CATSPERE: variants seen among roughly 807,000 people sequenced by gnomAD.
The protein encoded by CATSPERE is cation channel sperm-associated auxiliary subunit epsilon.
CATSPERE carries 93 observed loss-of-function variants against 114.1 expected under a neutral mutation model. That is an observed-to-expected ratio of 0.81 (90% CI 0.69 to 0.97). The LOEUF is 0.97. CATSPERE is among the 50% of genes least tolerant of loss of function. The pLI, the probability that CATSPERE is intolerant of heterozygous loss-of-function variation, is 0.00. For missense variants in CATSPERE, 1,058 were observed against 1,131.6 expected, an observed-to-expected ratio of 0.93 and a Z score of 0.93; for synonymous variants, 341 against 384.1, an observed-to-expected ratio of 0.89 and a Z score of 1.31.
chr1:244,639,744 T>C (rs1675125137), intron 21 of CATSPERE, among the ~76,000 whole-genome samples, 184 bp from the exon 22 acceptor site: 1 of 151,850 alleles, frequency 6.6e-6, no homozygotes, highest in Admixed American at 6.6e-5. Flanking sequence ...ACCTTGTCTA[T>C]TTTCCTCCCT....
chr1:244,637,637 A>G (rs1291363365), intron 21 of CATSPERE, among the ~76,000 whole-genome samples: 3 of 151,994 alleles, frequency 2.0e-5, no homozygotes, highest in Admixed American at 1.3e-4. Flanking sequence ...CTTACATTTC[A>G]AAGTCTATTA....
At chr1:244,563,387 T>C (rs1022424303) in intron 10 of CATSPERE, among the ~76,000 whole-genome samples, 2 of 152,218 alleles carry the variant, frequency 1.3e-5, no homozygotes, top group African/African-American at 4.8e-5. Context: ...ACCAACAGTG[T>C]AAAAGCATTC....
intron 7 of CATSPERE, among the ~76,000 whole-genome samples, chr1:244,517,287 T>C (rs1255584421): frequency 1.3e-5 from 2 of 152,130 alleles, no homozygotes; most frequent in East Asian, 3.9e-4. Context: ...TCTTCTTATA[T>C]GTATTATTTA....
intron 2 of CATSPERE, among the ~76,000 whole-genome samples, chr1:244,469,744 C>A (rs1472022266): frequency 6.6e-6 from 1 of 152,050 alleles, no homozygotes; most frequent in Non-Finnish European, 1.5e-5. Flanking sequence ...ACAAAACAGT[C>A]TTGAAACAGA....
chr1:244,632,819 C>T (rs1342858542), intron 20 of CATSPERE, among the ~76,000 whole-genome samples: 1 of 152,026 alleles, frequency 6.6e-6, no homozygotes. Context: ...TACAAATGGT[C>T]TAAATATCCC....
intron 8 of CATSPERE, among the ~76,000 whole-genome samples, chr1:244,534,160 T>C (rs1680023770): frequency 6.6e-6 from 1 of 152,176 alleles, no homozygotes; most frequent in Non-Finnish European, 1.5e-5. Context: ...ATGTTAGTTG[T>C]TTCTTTTCTC....
intron 9 of CATSPERE, among the ~76,000 whole-genome samples, chr1:244,553,878 T>A (rs77489148): frequency 0.12 from 18,736 of 152,082 alleles, 1,947 homozygotes; most frequent in African/African-American, 0.28. Flanking sequence ...TTCTGTTTTC[T>A]TGAGATCATG....
At chr1:244,466,492 A>G (rs1667624369) in intron 2 of CATSPERE, among the ~76,000 whole-genome samples, 7 of 152,186 alleles carry the variant, frequency 4.6e-5, no homozygotes, top group Admixed American at 4.6e-4. Flanking sequence ...ACACTTGGGT[A>G]GCATGCTGCC....
intron 8 of CATSPERE, among the ~76,000 whole-genome samples, chr1:244,541,756 C>T (rs1412863020): frequency 6.9e-6 from 1 of 145,836 alleles, no homozygotes; most frequent in Non-Finnish European, 1.5e-5. Context: ...TGGAACCAAC[C>T]CAAATGTCCA....
upstream of CATSPERE, chr1:244,451,710 C>A: frequency 6.2e-7 from 1 of 1,611,740 alleles, no homozygotes; most frequent in South Asian, 1.1e-5. The surrounding 1 kb of genome is among the most constrained non-coding windows in gnomAD (Gnocchi z 6.6). Context: ...CGCCCCACTG[C>A]GCACCGAGCA....
At chr1:244,624,779 G>A (rs1391947509) in intron 20 of CATSPERE, among the ~76,000 whole-genome samples, 9 of 151,876 alleles carry the variant, frequency 5.9e-5, no homozygotes, top group Non-Finnish European at 2.9e-5. Context: ...TCCAGCCTGG[G>A]CGACAGAGCG....
At chr1:244,602,162 CTT>C (rs1016559901) in intron 17 of CATSPERE, among the ~76,000 whole-genome samples, 1 of 152,248 alleles carries the variant, frequency 6.6e-6, no homozygotes, top group East Asian at 1.9e-4. Flanking sequence ...CTAGAAATAA[CTT>C]ATTTGTCTGC....
chr1:244,475,348 C>G (rs1669148151), intron 2 of CATSPERE, among the ~76,000 whole-genome samples: 1 of 151,778 alleles, frequency 6.6e-6, no homozygotes, highest in African/African-American at 2.4e-5. Flanking sequence ...ATTCTCCTGC[C>G]TCAGCCTCCT....
chr1:244,562,977 A>G (rs12090471), intron 10 of CATSPERE, among the ~76,000 whole-genome samples: 9,351 of 152,248 alleles, frequency 0.061, 971 homozygotes, highest in African/African-American at 0.21. Context: ...GAGTGAGAAC[A>G]TACGGTATTT....
At position 244,528,785 on chromosome 1, in the gene CATSPERE, C is replaced by CCACACACA. The variant is rs56746061; in HGVS notation, c.536+10121_536+10128dup. ...TACTCTCCCCCACAACAATCCCCCA[C>CCACACACA]CACACACACACACACACACACACAC... On this transcript the variant is annotated intron_variant, in intron 8 of 21. Transcript: ENST00000366534. 9.5e-3 allele frequency among the ~76,000 whole-genome samples: 1,244 copies of CCACACACA among 130,504 alleles called. 11 individuals carry two copies. Among genetic ancestry groups the CCACACACA allele is most frequent in the African/African-American group, 0.017 (582 of 33,864 alleles). 85.6% of individuals were successfully genotyped at this position (130,504 alleles called of 152,430 possible). A position where few individuals can be genotyped will look rare whatever the true frequency, so the allele number is the denominator to read the frequency against.
chr1:244,470,487 G>A (rs1215407274), intron 2 of CATSPERE, among the ~76,000 whole-genome samples: 1 of 152,200 alleles, frequency 6.6e-6, no homozygotes, highest in Non-Finnish European at 1.5e-5. Context: ...CCGCTCAGAT[G>A]TCTATAATCA....
At position 244,508,502 on chromosome 1, in the gene CATSPERE, C is replaced by G. The variant is rs139863146; in HGVS notation, c.429+9423C>G. Among the ~76,000 whole-genome samples the G allele has an allele frequency of 2.4e-3, 368 of 151,628 alleles. 8 individuals carry two copies. In the East Asian group the frequency reaches 0.05, roughly 20 times the overall value. Reference sequence around the variant, plus strand: ...ATTTTTAGTAGAGATGGGGTTTCACCGTGTTAGCCAGGATGGTCTCAATAC... The same window carrying G: ...ATTTTTAGTAGAGATGGGGTTTCACGGTGTTAGCCAGGATGGTCTCAATAC... On this transcript the variant is annotated intron_variant, in intron 7 of 21. Transcript: ENST00000366534.
chr1:244,498,911 A>C, intron 6 of CATSPERE, 91 bp from the exon 7 acceptor site: 1 of 980,948 alleles, frequency 1.0e-6, no homozygotes, highest in South Asian at 1.5e-5. Flanking sequence ...AAAATAAAAA[A>C]ATAAAAACAT....
At chr1:244,557,353 C>A (rs905242492) in intron 9 of CATSPERE, among the ~76,000 whole-genome samples, 3 of 150,568 alleles carry the variant, frequency 2.0e-5, no homozygotes, top group Non-Finnish European at 4.4e-5. Context: ...AGTAATTATT[C>A]CAATTTAAGA....
Sources: allele counts gnomAD v4.1 joint callset (sites outside exome capture counted in the v4.1 genomes callset), GRCh38; gene constraint gnomAD v4.1.1; non-coding constraint Gnocchi (gnomAD v3.1); transcripts MANE v1.5; gene names NCBI Gene and HGNC (gene_info 2026-07-23, HGNC 2026-07-21).